The following CD160 variants were observed in gnomAD, a reference collection of about 807,000 sequenced individuals.
CD160 encodes the protein CD160 antigen.
Under a neutral mutation model 19.2 loss-of-function variants are expected in CD160, and 11 were observed. That is an observed-to-expected ratio of 0.57 (90% CI 0.36 to 0.95). The LOEUF is 0.95. Ranked by LOEUF, CD160 falls within the 40% of genes least tolerant of loss-of-function variation. The pLI is 0.01. For synonymous variants in CD160, 75 were observed against 81.1 expected (o/e 0.93, Z 0.40); for missense variants, 182 against 213.2 (o/e 0.85, Z 0.91).
Position 145,731,689 on chromosome 1 carries a change from A to G in CD160, c.400+619A>G, listed in dbSNP as rs117949643. On this transcript the variant is annotated intron_variant, in intron 4 of 5. Transcript: ENST00000369288. ...GTGTCTCAAAAAAATAAAAAACAAG[A>G]AAAGAAAAGAAAGAAATTAGGCCTC... Among the ~76,000 whole-genome samples the G allele has an allele frequency of 6.6e-4, 100 of 152,264 alleles. No homozygotes were observed. In the East Asian group the frequency reaches 0.016, roughly 25 times the overall value.
intron 1 of CD160, among the ~76,000 whole-genome samples, chr1:145,719,877 C>T (rs191546581): frequency 1.3e-5 from 2 of 152,138 alleles, no homozygotes; most frequent in Non-Finnish European, 2.9e-5. Context: ...TGAGACAAGC[C>T]GGGAGGTGCC....
At chr1:145,736,299 T>G in intron 5 of CD160, 165 bp downstream of exon 5, 6 of 1,547,976 alleles carry the variant, frequency 3.9e-6, no homozygotes, top group Non-Finnish European at 5.2e-6. Context: ...CCAGTTTCAC[T>G]GATCCAAAGG....
intron 4 of CD160, among the ~76,000 whole-genome samples, chr1:145,734,832 G>A (rs1189292906): frequency 6.6e-6 from 1 of 152,070 alleles, no homozygotes; most frequent in African/African-American, 2.4e-5. Flanking sequence ...TGTCAGGGTG[G>A]GTGGTGGCTC....
intron 4 of CD160, among the ~76,000 whole-genome samples, chr1:145,734,161 G>A (rs1273846453): frequency 6.6e-6 from 1 of 152,128 alleles, no homozygotes; most frequent in Admixed American, 6.5e-5. Context: ...CCTTCCAAAG[G>A]TGTTTTTCAG....
chr1:145,738,580 G>C lies in CD160; in HGVS notation c.*87G>C, dbSNP rs986615986. The C allele has an allele frequency of 9.5e-6, 8 of 837,962 alleles. No individual in the cohort carries two copies. The highest frequency in any genetic ancestry group is 1.4e-5 in the Non-Finnish European group (8 of 588,568). 51.9% of individuals were successfully genotyped at this position (837,962 alleles called of 1,614,324 possible). A position where few individuals can be genotyped will look rare whatever the true frequency, so the allele number is the denominator to read the frequency against. The stretch of plus-strand genomic sequence containing the variant: ...TATCTTTCTCATTACAATAGGCACA[G>C]AGAAGAATGCAACAGGGCACAGGGG... On this transcript the variant is annotated 3_prime_UTR_variant, in exon 6 of 6. Transcript: ENST00000369288.
intron 5 of CD160, chr1:145,736,578 C>T (rs1657504988): frequency 5.3e-6 from 1 of 189,648 alleles, no homozygotes; most frequent in African/African-American, 2.3e-5. Context: ...GTAGCTGAGT[C>T]CTCTGAAAAC....
At chr1:145,726,680 T>A (rs1302538603) in intron 2 of CD160, among the ~76,000 whole-genome samples, 14 of 152,100 alleles carry the variant, frequency 9.2e-5, no homozygotes, top group Admixed American at 9.2e-4. Flanking sequence ...TGTACAACTA[T>A]GTAACAAACC....
chr1:145,731,169 CCTT>C, intron 4 of CD160, 99 bp downstream of exon 4: 1 of 895,188 alleles, frequency 1.1e-6, no homozygotes, highest in Non-Finnish European at 1.8e-6. Flanking sequence ...AAGGCAGTTT[CCTT>C]CTTCCTCAAT....
At chr1:145,724,044 A>G (rs1656959615) in intron 1 of CD160, among the ~76,000 whole-genome samples, 1 of 152,212 alleles carries the variant, frequency 6.6e-6, no homozygotes, top group Non-Finnish European at 1.5e-5. Flanking sequence ...AAAGCTCCGT[A>G]ACAATGTATA....
At chr1:145,719,958 A>G (rs1656764493) in intron 1 of CD160, among the ~76,000 whole-genome samples, 1 of 152,048 alleles carries the variant, frequency 6.6e-6, no homozygotes, top group South Asian at 2.1e-4. Flanking sequence ...CACGTCATGG[A>G]CCTCTTGGAG....
chr1:145,728,461 C>CT lies in CD160; in HGVS notation c.73+62dup. 4.1e-6 allele frequency: 4 copies of CT among 985,420 alleles called. No homozygotes were observed. The South Asian group carries it at 5.3e-5, about 13-fold the overall frequency. 61.0% of individuals were successfully genotyped at this position (985,420 alleles called of 1,614,324 possible). ...GAGGATCCTGGGCTTGTGGGAAGGG[C>CT]TGGATCCCGTGATTTTCTCTAGTGG... is the stretch of plus-strand genomic sequence containing the variant. On this transcript the variant is annotated intron_variant, in intron 3 of 5. Coordinates refer to ENST00000369288, the MANE Select transcript of CD160 (RefSeq NM_007053.4).
rs1657258674 is a variant in CD160 at position 145,730,830 on chromosome 1, G to A, written c.160G>A (p.Glu54Lys). The A allele has an allele frequency of 6.2e-7, 1 of 1,614,074 alleles. No homozygotes were observed. Among genetic ancestry groups the A allele is most frequent in the Admixed American group, 1.7e-5 (1 of 60,006 alleles). ...TGTATGGCATAAGAAAGAAGAGGCT[G>A]AGGGGTTTGTAGTGTTTTTGTGCAA... ...CTVWHKKEEA[E>K]GFVVFLCKDR... Residue 54 changes from glutamate (E) to lysine (K), a missense_variant, in exon 4 of 6, where the codon GAG becomes AAG. Coordinates refer to ENST00000369288, the MANE Select transcript of CD160 (RefSeq NM_007053.4).
At chr1:145,719,990 T>C (rs781888637) in intron 1 of CD160, among the ~76,000 whole-genome samples, 2 of 152,226 alleles carry the variant, frequency 1.3e-5, no homozygotes, top group Non-Finnish European at 2.9e-5. Context: ...GATTTATTCA[T>C]GGGATTTGTG....
chr1:145,735,947 C>A, intron 4 of CD160, 50 bp from the exon 5 acceptor site: 1 of 1,279,842 alleles, frequency 7.8e-7, no homozygotes, highest in Non-Finnish European at 1.1e-6. Context: ...AAAGGAGATA[C>A]TGATGATTTC....
At position 145,730,826 on chromosome 1, in the gene CD160, G is replaced by A; in HGVS notation, c.156G>A (p.Glu52=). ...GTACTGTATGGCATAAGAAAGAAGA[G>A]GCTGAGGGGTTTGTAGTGTTTTTGT... The part of the protein sequence containing the change: ...LICTVWHKKE[E]AEGFVVFLCK... Residue 52 remains glutamate (E), a synonymous_variant, in exon 4 of 6, where the codon GAG becomes GAA. Coordinates refer to ENST00000369288, the MANE Select transcript of CD160 (RefSeq NM_007053.4). The A allele has an allele frequency of 1.9e-6, 3 of 1,614,200 alleles. No homozygotes were observed. Among genetic ancestry groups the A allele is most frequent in the Non-Finnish European group, 2.5e-6 (3 of 1,180,018 alleles).
rs1553710671 is a variant in CD160 at position 145,739,242 on chromosome 1, G to C, written c.*749G>C. ...CTCTTGTCATAGTTAAGCAGAGAGT[G>C]GGCAGGATATTCCTGATAGGAGGAA... On this transcript the variant is annotated 3_prime_UTR_variant, in exon 6 of 6. Coordinates refer to ENST00000369288, the MANE Select transcript of CD160 (RefSeq NM_007053.4). 3 of 152,206 alleles carry C rather than the reference G, an allele frequency of 2.0e-5. No individual in the cohort carries two copies. The highest frequency in any genetic ancestry group is 1.9e-4 in the East Asian group (1 of 5,218). The allele number at this position is 152,206 out of a possible 1,614,324, so 9.4% of individuals were successfully genotyped here.
rs1377019065 is a variant in CD160 at position 145,739,237 on chromosome 1, A to G, written c.*744A>G. 3.3e-5 allele frequency: 5 copies of G among 152,270 alleles called. No homozygotes were observed. The highest frequency in any genetic ancestry group is 1.2e-4 in the African/African-American group (5 of 41,458). The allele number at this position is 152,270 out of a possible 1,614,324, so 9.4% of individuals were successfully genotyped here. A position where few individuals can be genotyped will look rare whatever the true frequency, so the allele number is the denominator to read the frequency against. Reference sequence around the variant, plus strand: ...ATGACCTCTTGTCATAGTTAAGCAGAGAGTGGGCAGGATATTCCTGATAGG... The same window carrying G: ...ATGACCTCTTGTCATAGTTAAGCAGGGAGTGGGCAGGATATTCCTGATAGG... On this transcript the variant is annotated 3_prime_UTR_variant, in exon 6 of 6. Coordinates refer to ENST00000369288, the MANE Select transcript of CD160 (RefSeq NM_007053.4).
At chr1:145,735,615 C>A (rs587745485) in intron 4 of CD160, among the ~76,000 whole-genome samples, 227 of 151,664 alleles carry the variant, frequency 1.5e-3, no homozygotes, top group Admixed American at 3.9e-3. Flanking sequence ...AACAAACAAA[C>A]AAAAAAAACC....
intron 3 of CD160, among the ~76,000 whole-genome samples, chr1:145,729,647 T>C (rs184889831): frequency 1.3e-5 from 2 of 152,360 alleles, no homozygotes; most frequent in East Asian, 3.9e-4. Context: ...CAAAACATCC[T>C]GGGTTAACCC....
Sources: gnomAD v4.1 joint callset for allele counts (sites outside exome capture counted in the v4.1 genomes callset) on GRCh38, gnomAD v4.1.1 for gene constraint, MANE v1.5 for transcripts, NCBI Gene and HGNC (gene_info 2026-07-23, HGNC 2026-07-21) for gene names.